The following WFDC3 variants were observed in gnomAD, a reference collection of about 807,000 sequenced individuals.
WFDC3 encodes WAP four-disulfide core domain 3, also known as WAP four-disulfide core domain protein 3.
WFDC3 carries 15 observed loss-of-function variants against 25.8 expected under a neutral mutation model. That is an observed-to-expected ratio of 0.58 (90% CI 0.39 to 0.89). The LOEUF is 0.89. Ranked by LOEUF, WFDC3 falls within the 40% of genes least tolerant of loss-of-function variation. WFDC3 has a pLI of 0.00. For missense variants in WFDC3, 264 were observed against 289.8 expected (o/e 0.91, Z 0.65); for synonymous variants, 103 against 107.1 (o/e 0.96, Z 0.24).
chr20:45,787,765 GAT>G, intron 4 of WFDC3, 69 bp downstream of exon 4: 1 of 1,507,680 alleles, frequency 6.6e-7, no homozygotes, highest in Non-Finnish European at 8.9e-7. Flanking sequence ...CCAACAAGCT[GAT>G]ATGTGCATAT....
intron 4 of WFDC3, among the ~76,000 whole-genome samples, chr20:45,785,425 C>A (rs928688718): frequency 6.8e-6 from 1 of 147,578 alleles, no homozygotes; most frequent in East Asian, 2.0e-4. Flanking sequence ...GCCAAGATCA[C>A]GCCACTGTAC....
intron 3 of WFDC3, 140 bp downstream of exon 3, chr20:45,788,791 C>T: frequency 1.7e-6 from 2 of 1,193,908 alleles, no homozygotes; most frequent in Non-Finnish European, 2.3e-6. Context: ...GAGGAGGGAC[C>T]CTAAAAGAGT....
chr20:45,778,313 T>A (rs1351567717), intron 4 of WFDC3, among the ~76,000 whole-genome samples: 2 of 152,130 alleles, frequency 1.3e-5, no homozygotes, highest in South Asian at 4.1e-4. Context: ...CACAGCTACA[T>A]CATGTGGGTA....
chr20:45,781,129 A>G (rs1467414932), intron 4 of WFDC3, among the ~76,000 whole-genome samples: 6 of 151,904 alleles, frequency 3.9e-5, no homozygotes, highest in Admixed American at 2.0e-4. Context: ...GGTGCCTGTA[A>G]TCCCAGCTAC....
chr20:45,789,410 G>A (rs1980841487), intron 2 of WFDC3, among the ~76,000 whole-genome samples: 1 of 150,496 alleles, frequency 6.6e-6, no homozygotes, highest in Non-Finnish European at 1.5e-5. Flanking sequence ...GGAGGCTGAG[G>A]CAGGAGAATG....
In WFDC3 at chr20:45,777,158, C is replaced by T; in HGVS notation, c.410G>A (p.Cys137Tyr). The T allele has an allele frequency of 6.2e-7, 1 of 1,604,474 alleles. No individual in the cohort carries two copies. Residue 137 changes from cysteine (C) to tyrosine (Y), a missense_variant, in exon 5 of 7, where the codon TGT becomes TAT. Transcript: ENST00000243938. ...CTGGGGACAGGATGCATCCCCATCA[C>T]ACAGCTCCTCACACGGAAGGGGGTC... ...PADPLPCEEL[C>Y]DGDASCPQGH...
chr20:45,787,712 A>AT lies in WFDC3; in HGVS notation c.358+123dup. ...ATTATGGCTTGTGCACCCTTTGTAT[A>AT]TCTTTTTTTTTTAAGGTCTTAGAAT... On this transcript the variant is annotated intron_variant, in intron 4 of 6. Transcript: ENST00000243938. 7.5e-6 allele frequency: 8 copies of AT among 1,062,042 alleles called. No individual in the cohort carries two copies. The South Asian group carries it at 9.3e-5, about 12-fold the overall frequency. The allele number at this position is 1,062,042 out of a possible 1,614,324, so 65.8% of individuals were successfully genotyped here.
At chr20:45,782,313 A>C (rs1048912648) in intron 4 of WFDC3, among the ~76,000 whole-genome samples, 8 of 151,862 alleles carry the variant, frequency 5.3e-5, no homozygotes, top group South Asian at 2.1e-4. Context: ...CTTCACAAAC[A>C]TGTAAGCCTT....
At chr20:45,789,535 T>C (rs1980849230) in intron 2 of WFDC3, among the ~76,000 whole-genome samples, 1 of 151,272 alleles carries the variant, frequency 6.6e-6, no homozygotes, top group East Asian at 1.9e-4. Flanking sequence ...TGCAACCACC[T>C]TCCCCTCCTC....
chr20:45,774,474 C>T (rs376341799), intron 6 of WFDC3, 30 bp from the exon 7 acceptor site: 14 of 1,614,036 alleles, frequency 8.7e-6, no homozygotes, highest in Non-Finnish European at 9.3e-6. Context: ...CAAGTCACAG[C>T]TGTGCCCTCC....
chr20:45,790,933 C>T, intron 1 of WFDC3: 1 of 470,938 alleles, frequency 2.1e-6, no homozygotes, highest in Non-Finnish European at 4.4e-6. Context: ...CATATACCTC[C>T]TTTATTTCTT....
chr20:45,780,451 C>T (rs1409258232), intron 4 of WFDC3, among the ~76,000 whole-genome samples: 3 of 152,256 alleles, frequency 2.0e-5, no homozygotes, highest in East Asian at 1.9e-4. Context: ...AAAAACCTGG[C>T]GGATGCCATT....
rs77810907 is a variant in WFDC3, at chr20:45,777,241, G to A, written c.359-32C>T. 1,246 of 1,463,562 alleles carry A rather than the reference G, an allele frequency of 8.5e-4. 1 individual carries two copies. The highest frequency in any genetic ancestry group is 1.1e-3 in the Non-Finnish European group (1,184 of 1,106,766). The allele number at this position is 1,463,562 out of a possible 1,614,324, so 90.7% of individuals were successfully genotyped here. A position where few individuals can be genotyped will look rare whatever the true frequency, so the allele number is the denominator to read the frequency against. The stretch of plus-strand genomic sequence containing the variant: ...AATCAAAGCATTGGAGCCCAGAGAC[G>A]CTCACAATATGAAACACATTTTTCA... On this transcript the variant is annotated intron_variant, in intron 4 of 6. Transcript: ENST00000243938.
At chr20:45,788,692 C>T (rs576768932) in intron 3 of WFDC3, 27 of 424,844 alleles carry the variant, frequency 6.4e-5, no homozygotes, top group East Asian at 1.8e-4. Context: ...TTCACAGGAA[C>T]TTTGAGTCCA....
intron 4 of WFDC3, among the ~76,000 whole-genome samples, chr20:45,787,250 G>C (rs1416392517): frequency 6.8e-6 from 1 of 147,798 alleles, no homozygotes; most frequent in Admixed American, 6.8e-5. Context: ...CTGATTATGG[G>C]AACTGGGAAT....
chr20:45,791,095 G>A (rs1029853725), intron 1 of WFDC3, among the ~76,000 whole-genome samples: 2 of 150,058 alleles, frequency 1.3e-5, no homozygotes, highest in African/African-American at 2.5e-5. Context: ...CCAGGAAGTC[G>A]CCCTTATGGT....
At position 45,780,322 on chromosome 20, in the gene WFDC3, C is replaced by A. The variant is rs989265654; in HGVS notation, c.359-3113G>T. ...GACCTTCTGGCCTCAAGCAATCCTC[C>A]CGCCTCAGCCTCCCAAAGTGCTGAC... On this transcript the variant is annotated intron_variant, in intron 4 of 6. Coordinates refer to ENST00000243938, the MANE Select transcript of WFDC3 (RefSeq NM_080614.2). Among the ~76,000 whole-genome samples the A allele has an allele frequency of 3.9e-5, 6 of 152,252 alleles. No individual in the cohort carries two copies. The East Asian group carries it at 1.2e-3, about 29-fold the overall frequency.
chr20:45,776,319 T>TGTGTGTGTGTAC (rs1980151265), intron 5 of WFDC3, among the ~76,000 whole-genome samples: 1 of 54,970 alleles, frequency 1.8e-5, no homozygotes, highest in Non-Finnish European at 4.0e-5. Flanking sequence ...TGTGTGTGTG[T>TGTGTGTGTGTAC]GTTTCCAGCT....
chr20:45,775,106 C>A (rs1484055016), intron 6 of WFDC3, among the ~76,000 whole-genome samples: 1 of 152,142 alleles, frequency 6.6e-6, no homozygotes, highest in Non-Finnish European at 1.5e-5. Context: ...CCCTTTGTCG[C>A]ATCTGCCTAG....
Sources: gnomAD v4.1 joint callset for allele counts (sites outside exome capture counted in the v4.1 genomes callset) on GRCh38, gnomAD v4.1.1 for gene constraint, MANE v1.5 for transcripts, NCBI Gene and HGNC (gene_info 2026-07-23, HGNC 2026-07-21) for gene names.